GUCY2C: variants seen among roughly 807,000 people sequenced by gnomAD.
The protein encoded by GUCY2C is guanylyl cyclase C.
Under a neutral mutation model 131.1 loss-of-function variants are expected in GUCY2C, and 118 were observed. The ratio of observed to expected loss-of-function variants is 0.90; its 90% CI spans 0.78 to 1.05. The LOEUF is 1.05. Ranked by LOEUF, GUCY2C falls within the 50% of genes least tolerant of loss-of-function variation. The probability of loss-of-function intolerance (pLI) is 0.00; values close to 1 mark genes in which losing one functional copy is unlikely to be tolerated. For missense variants in GUCY2C, 1,161 were observed against 1,304.4 expected (o/e 0.89, Z 1.69); for synonymous variants, 452 against 457.8 (o/e 0.99, Z 0.16).
intron 26 of GUCY2C, 22 bp downstream of exon 26, chr12:14,614,845 C>A (rs746337343): frequency 4.0e-6 from 6 of 1,492,510 alleles, no homozygotes; most frequent in Non-Finnish European, 5.5e-6. Context: ...CCTCCCTGTC[C>A]CTGCCACACC....
intron 11 of GUCY2C, among the ~76,000 whole-genome samples, chr12:14,658,820 A>C (rs967577160): frequency 2.0e-5 from 3 of 151,744 alleles, no homozygotes; most frequent in Non-Finnish European, 4.4e-5. Context: ...AGAGTAAACT[A>C]TGTCTTTGTG....
In GUCY2C at chr12:14,652,967, G is replaced by A; in HGVS notation, c.1518C>T (p.Cys506=). Residue 506 remains cysteine, a synonymous_variant, in exon 13 of 27, where the codon TGC becomes TGT. Coordinates refer to ENST00000261170, the MANE Select transcript of GUCY2C (RefSeq NM_004963.4). ...GAGAGGTCACCTTTTTGTCGTATTTGCACTGTCGTAGTCTCTGGATTGTAT... is the reference window on the plus strand; with the variant it reads ...GAGAGGTCACCTTTTTGTCGTATTTACACTGTCGTAGTCTCTGGATTGTAT... ...RRDTIQRLRQ[C]KYDKKRVILK... The A allele has an allele frequency of 6.2e-7, 1 of 1,609,836 alleles. No homozygotes were observed. Among genetic ancestry groups the A allele is most frequent in the Non-Finnish European group, 8.5e-7 (1 of 1,176,070 alleles).
chr12:14,645,159 G>C, intron 16 of GUCY2C, 70 bp downstream of exon 16: 1 of 832,464 alleles, frequency 1.2e-6, no homozygotes, highest in Non-Finnish European at 2.0e-6. Flanking sequence ...TGCACAGAAG[G>C]TTGAATAACT....
intron 16 of GUCY2C, among the ~76,000 whole-genome samples, chr12:14,644,232 C>T (rs968957250): frequency 6.6e-6 from 1 of 152,080 alleles, no homozygotes; most frequent in Non-Finnish European, 1.5e-5. Flanking sequence ...GCCTGTAATC[C>T]CAGCACTTTG....
At chr12:14,673,388 T>A (rs1948156942) in intron 8 of GUCY2C, among the ~76,000 whole-genome samples, 1 of 152,152 alleles carries the variant, frequency 6.6e-6, no homozygotes, top group Non-Finnish European at 1.5e-5. Flanking sequence ...TAAAATTACT[T>A]AAGTTTTCTG....
In GUCY2C at chr12:14,625,858, C is replaced by T; in HGVS notation, c.2307G>A (p.Gln769=). Reference sequence around the variant, plus strand: ...GATGTTCCAGGTTTCGAGAATATAGCTGTAGACGTCGGATCAAGGTATCCA... The same window carrying T: ...GATGTTCCAGGTTTCGAGAATATAGTTGTAGACGTCGGATCAAGGTATCCA... The part of the protein sequence containing the change: ...SYMDTLIRRL[Q]LYSRNLEHLV... Residue 769 remains glutamine (Q), a synonymous_variant, in exon 21 of 27, where the codon CAG becomes CAA. Transcript: ENST00000261170. The T allele has an allele frequency of 6.2e-7, 1 of 1,613,748 alleles. No homozygotes were observed. Among genetic ancestry groups the T allele is most frequent in the South Asian group, 1.1e-5 (1 of 91,076 alleles).
chr12:14,628,968 A>G (rs1193140015), intron 19 of GUCY2C, among the ~76,000 whole-genome samples: 2 of 152,198 alleles, frequency 1.3e-5, no homozygotes, highest in Non-Finnish European at 2.9e-5. Context: ...TGTGATACCA[A>G]TTTAGATGAG....
At chr12:14,677,009 A>G (rs372356135) in intron 6 of GUCY2C, 38 bp from the exon 7 acceptor site, 10 of 658,276 alleles carry the variant, frequency 1.5e-5, no homozygotes, top group African/African-American at 1.3e-4. Flanking sequence ...GAAAATTAGG[A>G]AAAATAGAGA....
At chr12:14,620,571 TTCTG>T (rs1946874848) in intron 23 of GUCY2C, among the ~76,000 whole-genome samples, 1 of 152,218 alleles carries the variant, frequency 6.6e-6, no homozygotes, top group Non-Finnish European at 1.5e-5. Flanking sequence ...CTCATGTACT[TTCTG>T]TATAACTGCA....
At chr12:14,671,833 T>A (rs550299623) in intron 9 of GUCY2C, among the ~76,000 whole-genome samples, 20 of 152,354 alleles carry the variant, frequency 1.3e-4, no homozygotes, top group African/African-American at 4.3e-4. Context: ...ATTGATGGGA[T>A]CTTATGTTAA....
chr12:14,670,357 A>G (rs1431148558), intron 9 of GUCY2C, among the ~76,000 whole-genome samples: 1 of 152,172 alleles, frequency 6.6e-6, no homozygotes, highest in African/African-American at 2.4e-5. Context: ...AATCTCTTCT[A>G]TTCCTTGGCT....
At chr12:14,693,893 A>G (rs536846676) in intron 1 of GUCY2C, among the ~76,000 whole-genome samples, 2 of 152,372 alleles carry the variant, frequency 1.3e-5, no homozygotes, top group South Asian at 4.1e-4. Flanking sequence ...CCAAGGCTCT[A>G]ACTAACATAC....
intron 26 of GUCY2C, among the ~76,000 whole-genome samples, chr12:14,614,294 A>T (rs1394921053): frequency 6.6e-6 from 1 of 152,180 alleles, no homozygotes; most frequent in Non-Finnish European, 1.5e-5. Context: ...AATAGGTAGA[A>T]GCTCATACCC....
At chr12:14,667,537 T>C (rs1031359190) in intron 10 of GUCY2C, among the ~76,000 whole-genome samples, 1 of 152,160 alleles carries the variant, frequency 6.6e-6, no homozygotes, top group Non-Finnish European at 1.5e-5. Flanking sequence ...ATTTGACTCA[T>C]GGAGTGAAAG....
At chr12:14,633,096 A>G (rs1592091457) in intron 19 of GUCY2C, among the ~76,000 whole-genome samples, 1 of 152,130 alleles carries the variant, frequency 6.6e-6, no homozygotes, top group Non-Finnish European at 1.5e-5. Context: ...CACCTGAGGA[A>G]GTTACTTGGA....
In GUCY2C at chr12:14,613,815, T is replaced by C. The variant is rs1209034386; in HGVS notation, c.3048-524A>G. Among the ~76,000 whole-genome samples the C allele has an allele frequency of 1.3e-5, 2 of 152,140 alleles. No individual in the cohort carries two copies. The highest frequency in any genetic ancestry group is 1.3e-4 in the Admixed American group (2 of 15,250). ...TTGCCATCTCTCTGGGTCTGACATC[T>C]AGGCCTCTGCAAGACAGAGTTTCTC... On this transcript the variant is annotated intron_variant, in intron 26 of 26. Coordinates refer to ENST00000261170, the MANE Select transcript of GUCY2C (RefSeq NM_004963.4). This position sits in a 1 kb window ranked among gnomAD's most constrained non-coding sequence, Gnocchi z 4.9.
chr12:14,676,292 C>T (rs1221044182), intron 7 of GUCY2C, among the ~76,000 whole-genome samples: 2 of 152,188 alleles, frequency 1.3e-5, no homozygotes, highest in East Asian at 3.8e-4. Flanking sequence ...GCTCTTTTTC[C>T]TGCACAAATG....
At chr12:14,688,754 A>T (rs1370653230) in intron 1 of GUCY2C, among the ~76,000 whole-genome samples, 1 of 152,176 alleles carries the variant, frequency 6.6e-6, no homozygotes, top group Non-Finnish European at 1.5e-5. Context: ...TGGAAGCCCT[A>T]GGGGGAGCTG....
chr12:14,692,915 G>A (rs1204771137), intron 1 of GUCY2C, among the ~76,000 whole-genome samples: 1 of 152,096 alleles, frequency 6.6e-6, no homozygotes, highest in Non-Finnish European at 1.5e-5. Flanking sequence ...ATGGAGCATA[G>A]TATAATATGC....
Sources: allele counts gnomAD v4.1 joint callset (sites outside exome capture counted in the v4.1 genomes callset), GRCh38; gene constraint gnomAD v4.1.1; non-coding constraint Gnocchi (gnomAD v3.1); transcripts MANE v1.5; gene names NCBI Gene and HGNC (gene_info 2026-07-23, HGNC 2026-07-21).